NME9: variants seen among roughly 807,000 people sequenced by gnomAD.
NME9 encodes the protein NME/NM23 family member 9.
NME9 carries 48 observed loss-of-function variants against 44.4 expected under a neutral mutation model. That is an observed-to-expected ratio of 1.08 (90% CI 0.86 to 1.37). NME9 has a LOEUF of 1.37. Ranked by LOEUF, NME9 falls within the 40% of genes most tolerant of loss-of-function variation. The pLI, the probability that NME9 is intolerant of heterozygous loss-of-function variation, is 0.00. For synonymous variants in NME9, 139 were observed against 147.1 expected (o/e 0.94, Z 0.40); for missense variants, 325 against 405.2 (o/e 0.80, Z 1.70).
At chr3:138,312,127 A>G (rs559798219) in intron 6 of NME9, among the ~76,000 whole-genome samples, 6 of 152,328 alleles carry the variant, frequency 3.9e-5, no homozygotes, top group East Asian at 1.9e-4. Context: ...ACACACACAC[A>G]CAAATGGAAA....
At chr3:138,298,477 G>A (rs1019471188), downstream of NME9, 1 of 152,148 alleles carries the variant, frequency 6.6e-6, no homozygotes, top group Admixed American at 6.5e-5. Flanking sequence ...CTTGGTAAAT[G>A]AAGGGCTGGG....
At chr3:138,268,529 C>T (rs2048489638) in intron 8 of NME9, among the ~76,000 whole-genome samples, 3 of 152,128 alleles carry the variant, frequency 2.0e-5, no homozygotes, top group Admixed American at 2.0e-4. Flanking sequence ...GGTAGATGAG[C>T]TCAGGCAAAG....
intron 8 of NME9, chr3:138,287,863 T>G (rs1351612175): frequency 3.4e-6 from 1 of 297,714 alleles, no homozygotes; most frequent in East Asian, 7.9e-5. Flanking sequence ...ACTAGAAATT[T>G]TTTTTATTGA....
At chr3:138,280,750 C>G (rs988300928) in intron 8 of NME9, among the ~76,000 whole-genome samples, 3 of 152,066 alleles carry the variant, frequency 2.0e-5, no homozygotes, top group Non-Finnish European at 4.4e-5. Flanking sequence ...CCTCGGCCTC[C>G]CACAGTGCTG....
intron 8 of NME9, chr3:138,288,915 G>T: frequency 1.5e-6 from 1 of 661,056 alleles, no homozygotes; most frequent in South Asian, 1.9e-5. Flanking sequence ...GGGATTACAG[G>T]CATGAGCCAC....
In NME9 at chr3:138,301,071, TTA is replaced by T; in HGVS notation, c.*567_*568del. 1 of 975,796 alleles carries T rather than the reference TTA, an allele frequency of 1.0e-6. No homozygotes were observed. Among genetic ancestry groups the T allele is most frequent in the African/African-American group, 1.7e-5 (1 of 57,178 alleles). The allele number at this position is 975,796 out of a possible 1,614,324, so 60.4% of individuals were successfully genotyped here. On this transcript the variant is annotated 3_prime_UTR_variant, in exon 11 of 11. Coordinates refer to ENST00000333911, the MANE Select transcript of NME9 (RefSeq NM_001349018.2). ...AACCCAGTATCCTCTGAGATGACACTTATATCTCACAACAGGATGTAATAACT... is the reference window on the plus strand; with the variant it reads ...AACCCAGTATCCTCTGAGATGACACTTATCTCACAACAGGATGTAATAACT...
intron 1 of NME9, among the ~76,000 whole-genome samples, chr3:138,325,960 C>T (rs1279844948): frequency 6.6e-6 from 1 of 152,066 alleles, no homozygotes; most frequent in Non-Finnish European, 1.5e-5. Flanking sequence ...TGCAAGTTTT[C>T]CTATTTATCC....
chr3:138,324,420 G>A (rs985888813), intron 2 of NME9: 5 of 455,644 alleles, frequency 1.1e-5, no homozygotes, highest in African/African-American at 4.0e-5. Flanking sequence ...AAATTGCTAA[G>A]TGCAACAAAT....
chr3:138,276,624 C>T (rs954808503), intron 8 of NME9, among the ~76,000 whole-genome samples: 1 of 152,148 alleles, frequency 6.6e-6, no homozygotes, highest in Non-Finnish European at 1.5e-5. Context: ...TTTTTATATA[C>T]TAGCAGTGAA....
Position 138,303,498 on chromosome 3 carries a change from A to G in NME9, c.928+9T>C, listed in dbSNP as rs2051989689. On this transcript the variant is annotated intron_variant, in intron 10 of 10. Coordinates refer to ENST00000333911, the MANE Select transcript of NME9 (RefSeq NM_001349018.2). ...TTTAATAAAGACCAAGTCTGCCTTGATGACTTACCCTGAGGGGCTTCTGTA... is the reference window on the plus strand; with the variant it reads ...TTTAATAAAGACCAAGTCTGCCTTGGTGACTTACCCTGAGGGGCTTCTGTA... 2 of 1,608,692 alleles carry G rather than the reference A, an allele frequency of 1.2e-6. No individual in the cohort carries two copies. Among genetic ancestry groups the G allele is most frequent in the South Asian group, 2.2e-5 (2 of 90,946 alleles).
chr3:138,275,583 G>A (rs562980287), intron 8 of NME9, among the ~76,000 whole-genome samples: 64 of 151,980 alleles, frequency 4.2e-4, no homozygotes, highest in African/African-American at 1.5e-3. Flanking sequence ...TCATTAAGCT[G>A]TAGACATATA....
chr3:138,328,554 G>A (rs1243751350), intron 1 of NME9, among the ~76,000 whole-genome samples: 3 of 152,154 alleles, frequency 2.0e-5, no homozygotes, highest in African/African-American at 4.8e-5. Context: ...ACTGGGGCCA[G>A]CTGATGATGA....
In NME9 at chr3:138,262,558, C is replaced by CTG. The variant is rs1349984040; in HGVS notation, c.773_774insCA (p.Lys258AsnfsTer6). Reference sequence around the variant, plus strand: ...TCTCATTTTAGTCTAGGTCAGTGATCTTCAACCTTGGCTGTGTACTGGACT... The same window carrying CTG: ...TCTCATTTTAGTCTAGGTCAGTGATCTGTTCAACCTTGGCTGTGTACTGGACT... On this transcript the variant is annotated frameshift_variant, in exon 9 of 9. Transcript: ENST00000317876. LOFTEE classifies it high-confidence loss of function. The CTG allele has an allele frequency of 6.2e-7, 1 of 1,611,614 alleles. No homozygotes were observed. The highest frequency in any genetic ancestry group is 8.5e-7 in the Non-Finnish European group (1 of 1,179,602).
chr3:138,263,130 CTATT>C (rs1210252892), intron 8 of NME9, among the ~76,000 whole-genome samples: 7 of 152,220 alleles, frequency 4.6e-5, no homozygotes, highest in African/African-American at 1.7e-4. Flanking sequence ...CCTTCACACA[CTATT>C]TATTTTGTAT....
Position 138,329,723 on chromosome 3 carries a change from A to AC in NME9, c.-389dup. 1 of 1,092,112 alleles carries AC rather than the reference A, an allele frequency of 9.2e-7. No individual in the cohort carries two copies. Among genetic ancestry groups the AC allele is most frequent in the Non-Finnish European group, 1.1e-6 (1 of 896,654 alleles). 67.7% of individuals were successfully genotyped at this position (1,092,112 alleles called of 1,614,324 possible). On this transcript the variant is annotated 5_prime_UTR_variant, in exon 1 of 11. Coordinates refer to ENST00000333911, the MANE Select transcript of NME9 (RefSeq NM_001349018.2). ...AATTCTGACAAAAAAACGACATGGG[A>AC]CCCTGTTATCCCTGCTGTTCTTATG... is the stretch of plus-strand genomic sequence containing the variant.
At chr3:138,272,841 C>T (rs181349903) in intron 8 of NME9, 2 of 850,696 alleles carry the variant, frequency 2.4e-6, no homozygotes, top group Non-Finnish European at 3.3e-6. Context: ...CACTGCACAC[C>T]AGCCTGGGCG....
chr3:138,296,804 A>T (rs1334011730), downstream of NME9: 2 of 152,226 alleles, frequency 1.3e-5, no homozygotes, highest in Non-Finnish European at 2.9e-5. Flanking sequence ...GCCATGACCC[A>T]GATGGGCTTA....
At chr3:138,306,208 G>A in intron 7 of NME9, 112 bp from the exon 8 acceptor site, 1 of 869,356 alleles carries the variant, frequency 1.2e-6, no homozygotes, top group Non-Finnish European at 1.9e-6. Flanking sequence ...AAAGGCTGTG[G>A]AGACACTGAT....
chr3:138,306,887 G>T (rs976572771), intron 6 of NME9, among the ~76,000 whole-genome samples: 2 of 152,146 alleles, frequency 1.3e-5, no homozygotes, highest in Non-Finnish European at 2.9e-5. Context: ...TGAGAGGGGG[G>T]CCTGGAGCAT....
Sources: gnomAD v4.1 joint callset for allele counts (sites outside exome capture counted in the v4.1 genomes callset) on GRCh38, gnomAD v4.1.1 for gene constraint, MANE v1.5 for transcripts, NCBI Gene and HGNC (gene_info 2026-07-23, HGNC 2026-07-21) for gene names.